Variants in MMP28 observed in about 807,000 individuals in gnomAD.
MMP28 encodes the protein matrix metallopeptidase 28, also known as matrix metalloproteinase-28.
Under a neutral mutation model 60.5 loss-of-function variants are expected in MMP28, and 55 were observed. That is an observed-to-expected ratio of 0.91 (90% CI 0.73 to 1.14). MMP28 has a LOEUF of 1.14. Ranked by LOEUF, MMP28 falls within the 50% of genes most tolerant of loss-of-function variation. The pLI, the probability that MMP28 is intolerant of heterozygous loss-of-function variation, is 0.00. For missense variants in MMP28, 686 were observed against 738.3 expected (o/e 0.93, Z 0.82); for synonymous variants, 318 against 312.5 (o/e 1.02, Z -0.18).
At chr17:35,764,486 C>CG, downstream of MMP28, 3 of 1,574,926 alleles carry the variant, frequency 1.9e-6, no homozygotes, top group Non-Finnish European at 2.6e-6. Flanking sequence ...CGCCGCGCCG[C>CG]GGGGGCTGTG....
At chr17:35,774,683 T>A (rs1424095292) in intron 3 of MMP28, among the ~76,000 whole-genome samples, 1 of 152,284 alleles carries the variant, frequency 6.6e-6, no homozygotes, top group Admixed American at 6.5e-5. Flanking sequence ...CCAAGCTCCA[T>A]TCAAGGCAAT....
chr17:35,786,201 C>T (rs369887077), intron 1 of MMP28, among the ~76,000 whole-genome samples: 148 of 152,128 alleles, frequency 9.7e-4, no homozygotes, highest in African/African-American at 3.3e-3. Flanking sequence ...GGATTACAGG[C>T]GTGCGCCACT....
rs762709550 is a variant in MMP28, at chr17:35,766,598, C to A, written c.1465G>T (p.Asp489Tyr). 4 of 1,612,334 alleles carry A rather than the reference C, an allele frequency of 2.5e-6. No homozygotes were observed. The highest frequency in any genetic ancestry group is 3.4e-6 in the Non-Finnish European group (4 of 1,179,748). ...GTGGTTGCCTGCAGTTTGGCCTGGT[C>A]GAGGCGCCAGTAGCGGTCATCTCGG... ...FFRDDRYWRL[D>Y]QAKLQATTSG... The change falls in exon 8 of 8, where the codon GAC (aspartate) becomes TAC (tyrosine). Residue 489 changes from aspartate to tyrosine, a missense_variant. By Grantham distance (160) the Asp-to-Tyr change is radical. Coordinates refer to ENST00000605424, the MANE Select transcript of MMP28 (RefSeq NM_024302.5). This position sits in a 1 kb window ranked among gnomAD's most constrained non-coding sequence, Gnocchi z 4.3.
In MMP28 at chr17:35,778,946, A is replaced by G. The variant is rs769978215; in HGVS notation, c.321T>C (p.Ser107=). Residue 107 remains serine (S), a synonymous_variant, in exon 3 of 8, where the codon AGT becomes AGC. Coordinates refer to ENST00000605424, the MANE Select transcript of MMP28 (RefSeq NM_024302.5). ...TGGTCCGGTGTCTAGCAAACAAGTC[A>G]CTGATCCTCTCAGCCCAGGCCGCAT... ...NSYAAWAERI[S]DLFARHRTKM... is the part of the protein sequence containing the mutation. The G allele has an allele frequency of 1.9e-6, 3 of 1,613,938 alleles. No homozygotes were observed. The highest frequency in any genetic ancestry group is 1.3e-5 in the African/African-American group (1 of 74,938).
At chr17:35,783,624 C>T (rs533428891) in intron 1 of MMP28, among the ~76,000 whole-genome samples, 1 of 152,318 alleles carries the variant, frequency 6.6e-6, no homozygotes, top group East Asian at 1.9e-4. Context: ...CACAAACACA[C>T]CCAGCCCTTA....
intron 1 of MMP28, 142 bp downstream of exon 1, chr17:35,795,125 T>G (rs1279071445): frequency 1.9e-6 from 1 of 518,014 alleles, no homozygotes. Flanking sequence ...CGGCTCTTTA[T>G]GTTCAAGTGC....
At chr17:35,771,540 T>A (rs1226756639) in intron 4 of MMP28, among the ~76,000 whole-genome samples, 1 of 149,394 alleles carries the variant, frequency 6.7e-6, no homozygotes, top group Non-Finnish European at 1.5e-5. Flanking sequence ...TTGATTTGGG[T>A]GCTGGGAGCA....
At chr17:35,784,543 C>T (rs2086595348) in intron 1 of MMP28, among the ~76,000 whole-genome samples, 1 of 152,082 alleles carries the variant, frequency 6.6e-6, no homozygotes, top group African/African-American at 2.4e-5. Flanking sequence ...AGGCATTTTT[C>T]ATGCCTCAGT....
At position 35,765,976 on chromosome 17, in the gene MMP28, C is replaced by T; in HGVS notation, c.*524G>A. On this transcript the variant is annotated 3_prime_UTR_variant, in exon 8 of 8. Transcript: ENST00000605424. Reference sequence around the variant, plus strand: ...TCCCTCCCACTCTGTGTCCTGACCCCACAAAGGGCCTCTGAGGTTGGAGAC... The same window carrying T: ...TCCCTCCCACTCTGTGTCCTGACCCTACAAAGGGCCTCTGAGGTTGGAGAC... 1 of 985,444 alleles carries T rather than the reference C, an allele frequency of 1.0e-6. No homozygotes were observed. Among genetic ancestry groups the T allele is most frequent in the Non-Finnish European group, 1.2e-6 (1 of 829,930 alleles). 61.0% of individuals were successfully genotyped at this position (985,444 alleles called of 1,614,324 possible).
intron 4 of MMP28, among the ~76,000 whole-genome samples, chr17:35,770,875 A>G (rs906154195): frequency 2.0e-5 from 3 of 151,668 alleles, no homozygotes; most frequent in Non-Finnish European, 4.4e-5. Context: ...ACAAAGCAAG[A>G]CCTCATCTCC....
At chr17:35,769,096 A>T (rs2086038445) in intron 5 of MMP28, among the ~76,000 whole-genome samples, 1 of 152,180 alleles carries the variant, frequency 6.6e-6, no homozygotes, top group Non-Finnish European at 1.5e-5. Context: ...GCAGAGTCCA[A>T]CAAGCTTATT....
chr17:35,757,261 C>T (rs2085750481), intron 2 of MMP28: 1 of 152,076 alleles, frequency 6.6e-6, no homozygotes, highest in Admixed American at 6.5e-5. Context: ...TCAAAGGTAC[C>T]AATTACAACT....
chr17:35,766,445 G>A lies in MMP28; in HGVS notation c.*55C>T. On this transcript the variant is annotated 3_prime_UTR_variant, in exon 8 of 8. Transcript: ENST00000605424. This position sits in a 1 kb window ranked among gnomAD's most constrained non-coding sequence, Gnocchi z 4.3. ...TAAGAGGGGTTCTGCCCCGGGGGTG[G>A]GGAACATGATTTTGCCCTGAGAGCA... The A allele has an allele frequency of 6.7e-7, 1 of 1,495,362 alleles. No individual in the cohort carries two copies. The allele number at this position is 1,495,362 out of a possible 1,614,324, so 92.6% of individuals were successfully genotyped here.
At chr17:35,770,985 C>G (rs1045539369) in intron 4 of MMP28, among the ~76,000 whole-genome samples, 3 of 152,068 alleles carry the variant, frequency 2.0e-5, no homozygotes, top group Non-Finnish European at 4.4e-5. Flanking sequence ...CCCAGGAGGT[C>G]AAGGCTGCGG....
chr17:35,791,231 G>A (rs968940500), intron 1 of MMP28, among the ~76,000 whole-genome samples: 4 of 152,056 alleles, frequency 2.6e-5, no homozygotes, highest in Non-Finnish European at 4.4e-5. Context: ...AGGGAAGCAG[G>A]GGTGGGCAAA....
chr17:35,790,611 A>G (rs2086786207), intron 1 of MMP28, among the ~76,000 whole-genome samples: 1 of 152,146 alleles, frequency 6.6e-6, no homozygotes, highest in African/African-American at 2.4e-5. Context: ...AAAGTTTCCA[A>G]CTATCCAGTT....
chr17:35,787,299 G>A (rs1397716275), intron 1 of MMP28, among the ~76,000 whole-genome samples: 2 of 152,182 alleles, frequency 1.3e-5, no homozygotes, highest in Non-Finnish European at 2.9e-5. Context: ...GCATGTTCCT[G>A]CGTAAAGATA....
chr17:35,766,644 G>C lies in MMP28; in HGVS notation c.1419C>G (p.Pro473=). ...PEEVSGALPR[P]DGSIIFFRDD... ...CTCGGAAGAAGATGATGGAGCCATCGGGCCTCGGCAGGGCGCCGCTGACCT... is the reference window on the plus strand; with the variant it reads ...CTCGGAAGAAGATGATGGAGCCATCCGGCCTCGGCAGGGCGCCGCTGACCT... The change falls in exon 8 of 8, where the codon CCC becomes CCG. Residue 473 remains proline, a synonymous_variant. Coordinates refer to ENST00000605424, the MANE Select transcript of MMP28 (RefSeq NM_024302.5). The surrounding 1 kb of genome is among the most constrained non-coding windows in gnomAD (Gnocchi z 4.3). The C allele has an allele frequency of 1.2e-6, 2 of 1,612,148 alleles. No individual in the cohort carries two copies. The highest frequency in any genetic ancestry group is 1.7e-6 in the Non-Finnish European group (2 of 1,179,370).
chr17:35,767,669 C>T, intron 7 of MMP28, 83 bp downstream of exon 7: 1 of 1,482,458 alleles, frequency 6.7e-7, no homozygotes, highest in South Asian at 1.3e-5. Flanking sequence ...GAGAGTCTTC[C>T]CCTCTTTTGT....
Sources: allele counts gnomAD v4.1 joint callset (sites outside exome capture counted in the v4.1 genomes callset), GRCh38; gene constraint gnomAD v4.1.1; non-coding constraint Gnocchi (gnomAD v3.1); transcripts MANE v1.5; gene names NCBI Gene and HGNC (gene_info 2026-07-23, HGNC 2026-07-21).